Variants in MAML3 observed in about 807,000 individuals in gnomAD.
The protein encoded by MAML3 is mastermind-like protein 3.
In MAML3, 27 loss-of-function variants were observed where a neutral mutation model predicts 101.9. That is an observed-to-expected ratio of 0.27 (90% CI 0.20 to 0.37). The LOEUF (loss-of-function observed/expected upper bound fraction) is 0.37. Ranked by LOEUF, MAML3 falls within the 10% of genes least tolerant of loss-of-function variation. MAML3 has a pLI of 1.00. For synonymous variants in MAML3, 501 were observed against 555.9 expected (o/e 0.90, Z 1.39); for missense variants, 1,316 against 1,444.9 (o/e 0.91, Z 1.45).
At chr4:139,891,037 T>A in intron 1 of MAML3, 70 bp from the exon 2 acceptor site, 2 of 1,497,484 alleles carry the variant, frequency 1.3e-6, no homozygotes, top group Non-Finnish European at 8.9e-7. Context: ...GATTGAGATG[T>A]GCATTGCGAT....
At chr4:139,852,506 G>A (rs369626437) in intron 2 of MAML3, among the ~76,000 whole-genome samples, 1 of 144,870 alleles carries the variant, frequency 6.9e-6, no homozygotes, top group African/African-American at 2.6e-5. Context: ...TCTGCTTCCC[G>A]GGTTCAAGCG....
At chr4:139,779,594 T>G (rs958322401) in intron 2 of MAML3, among the ~76,000 whole-genome samples, 2 of 152,182 alleles carry the variant, frequency 1.3e-5, no homozygotes, top group Non-Finnish European at 2.9e-5. Context: ...TTAAAAAGTA[T>G]TTCTTAGACT....
intron 1 of MAML3, among the ~76,000 whole-genome samples, chr4:140,049,185 A>G (rs1228808727): frequency 6.6e-6 from 1 of 152,166 alleles, no homozygotes; most frequent in Non-Finnish European, 1.5e-5. Flanking sequence ...TCGCAAGTAC[A>G]GCAAGGCATA....
intron 2 of MAML3, among the ~76,000 whole-genome samples, chr4:139,739,437 G>A (rs184372176): frequency 9.2e-5 from 14 of 152,306 alleles, no homozygotes; most frequent in African/African-American, 3.4e-4. Context: ...CTTTTCGTCT[G>A]CCTTTGATGT....
At chr4:140,033,322 G>A (rs1327366314) in intron 1 of MAML3, among the ~76,000 whole-genome samples, 1 of 152,156 alleles carries the variant, frequency 6.6e-6, no homozygotes, top group African/African-American at 2.4e-5. Flanking sequence ...ACAAAATGTA[G>A]GTATCTAGAA....
intron 1 of MAML3, among the ~76,000 whole-genome samples, chr4:139,974,272 A>AT (rs1734288052): frequency 1.3e-5 from 2 of 151,678 alleles, no homozygotes; most frequent in South Asian, 4.2e-4. Context: ...CGCCCAGCTA[A>AT]TTTTTTGTAT....
chr4:139,813,076 T>C (rs937759252), intron 2 of MAML3, among the ~76,000 whole-genome samples: 4 of 150,882 alleles, frequency 2.7e-5, no homozygotes, highest in African/African-American at 9.7e-5. Context: ...AGAAATATAG[T>C]AATAGGAATA....
At chr4:139,947,970 G>A (rs1294876400) in intron 1 of MAML3, among the ~76,000 whole-genome samples, 7 of 151,934 alleles carry the variant, frequency 4.6e-5, no homozygotes, top group South Asian at 2.1e-4. Context: ...GTGTGGGGGC[G>A]CATGCCTGTA....
intron 1 of MAML3, among the ~76,000 whole-genome samples, chr4:139,906,989 C>T (rs1349467285): frequency 6.6e-6 from 1 of 152,068 alleles, no homozygotes; most frequent in Non-Finnish European, 1.5e-5. Context: ...TTTGTCTAAA[C>T]ACCACACATC....
chr4:139,800,371 A>C (rs959496304), intron 2 of MAML3, among the ~76,000 whole-genome samples: 8 of 152,166 alleles, frequency 5.3e-5, no homozygotes, highest in Admixed American at 5.2e-4. Flanking sequence ...CAAATTTATA[A>C]AGATTTTGCC....
chr4:140,143,927 CCT>C (rs1319783616), intron 1 of MAML3, among the ~76,000 whole-genome samples: 2 of 152,308 alleles, frequency 1.3e-5, no homozygotes, highest in South Asian at 4.1e-4. Context: ...GGCACCTCTG[CCT>C]CTCTCTGCTC....
At chr4:139,771,993 A>G (rs1254337660) in intron 2 of MAML3, among the ~76,000 whole-genome samples, 1 of 150,658 alleles carries the variant, frequency 6.6e-6, no homozygotes, top group Admixed American at 6.6e-5. Flanking sequence ...TAATCCCAGC[A>G]CTTTGGGAGG....
At chr4:140,128,919 C>T (rs74636836) in intron 1 of MAML3, among the ~76,000 whole-genome samples, 5,980 of 152,222 alleles carry the variant, frequency 0.039, 158 homozygotes, top group East Asian at 0.11. Flanking sequence ...CCATCACGCT[C>T]CACTAGCATA....
intron 1 of MAML3, among the ~76,000 whole-genome samples, chr4:139,999,395 T>C (rs1290202563): frequency 1.3e-5 from 2 of 152,216 alleles, no homozygotes; most frequent in Admixed American, 6.5e-5. Flanking sequence ...GCATTAGGGA[T>C]GGATGCAACC....
intron 2 of MAML3, among the ~76,000 whole-genome samples, chr4:139,818,296 T>A (rs2111119627): frequency 6.6e-6 from 1 of 152,368 alleles, no homozygotes; most frequent in East Asian, 1.9e-4. Flanking sequence ...GTCCTCATCA[T>A]GGGCTGTAAT....
At chr4:140,084,576 T>G (rs1045097696) in intron 1 of MAML3, among the ~76,000 whole-genome samples, 16 of 152,278 alleles carry the variant, frequency 1.1e-4, no homozygotes, top group Middle Eastern at 3.4e-3. Context: ...TGTCTCAGAT[T>G]TCCCCATTAC....
intron 1 of MAML3, among the ~76,000 whole-genome samples, chr4:140,089,338 C>A: frequency 6.6e-6 from 1 of 152,170 alleles, no homozygotes; most frequent in East Asian, 1.9e-4. Flanking sequence ...GGAAACCCCC[C>A]CTTGACAATC....
chr4:139,790,415 T>C (rs760640540), intron 2 of MAML3, among the ~76,000 whole-genome samples: 15 of 151,646 alleles, frequency 9.9e-5, no homozygotes, highest in Non-Finnish European at 2.1e-4. Flanking sequence ...ATAGGTACTA[T>C]TGTAACCATT....
intron 1 of MAML3, among the ~76,000 whole-genome samples, chr4:140,030,971 G>A (rs181947539): frequency 3.6e-4 from 55 of 152,266 alleles, no homozygotes; most frequent in Non-Finnish European, 6.0e-4. Context: ...AAAAACCTGG[G>A]CTCCAGTTAT....
Sources: gnomAD v4.1 joint callset for allele counts (sites outside exome capture counted in the v4.1 genomes callset) on GRCh38, gnomAD v4.1.1 for gene constraint, MANE v1.5 for transcripts, NCBI Gene and HGNC (gene_info 2026-07-23, HGNC 2026-07-21) for gene names.